CSMD1: variants seen among roughly 807,000 people sequenced by gnomAD.
The protein encoded by CSMD1 is CUB and sushi domain-containing protein 1.
CSMD1 carries 213 observed loss-of-function variants against 417.5 expected under a neutral mutation model. That is an observed-to-expected ratio of 0.51 (90% CI 0.46 to 0.57). The LOEUF (loss-of-function observed/expected upper bound fraction) is 0.57. Among genes scored for constraint, CSMD1 ranks in the 20% least tolerant of loss-of-function variants. The pLI is 0.00. For missense variants in CSMD1, 6,923 were observed against 4,529.7 expected (o/e 1.53, Z -15.17); for synonymous variants, 2,862 against 1,736.8 (o/e 1.65, Z -16.11).
chr8:4,934,931 C>T (rs568280061), intron 1 of CSMD1, among the ~76,000 whole-genome samples: 6 of 152,280 alleles, frequency 3.9e-5, no homozygotes, highest in Non-Finnish European at 8.8e-5. Context: ...AATCATCCAT[C>T]AATCATCTAT....
At chr8:4,251,966 G>A (rs1219633444) in intron 3 of CSMD1, among the ~76,000 whole-genome samples, 1 of 151,964 alleles carries the variant, frequency 6.6e-6, no homozygotes, top group African/African-American at 2.4e-5. Flanking sequence ...GATGTTCAAT[G>A]GAGGTAAGGA....
intron 2 of CSMD1, among the ~76,000 whole-genome samples, chr8:4,614,325 C>A (rs1194196742): frequency 6.6e-6 from 1 of 152,144 alleles, no homozygotes; most frequent in Non-Finnish European, 1.5e-5. Flanking sequence ...AAAATCCTGT[C>A]TTGAAGGTAG....
At chr8:2,970,146 C>T (rs1585070514) in intron 57 of CSMD1, among the ~76,000 whole-genome samples, 1 of 152,180 alleles carries the variant, frequency 6.6e-6, no homozygotes, top group East Asian at 1.9e-4. Flanking sequence ...AAGTGAAACG[C>T]AATTAAGCTC....
intron 3 of CSMD1, among the ~76,000 whole-genome samples, chr8:4,134,203 G>C (rs1369018411): frequency 6.6e-6 from 1 of 152,152 alleles, no homozygotes; most frequent in Non-Finnish European, 1.5e-5. Flanking sequence ...GAAAGTCACT[G>C]TCCTTACACG....
intron 1 of CSMD1, among the ~76,000 whole-genome samples, chr8:4,812,597 C>G (rs1043295659): frequency 6.6e-6 from 1 of 151,410 alleles, no homozygotes; most frequent in Non-Finnish European, 1.5e-5. Context: ...TCCAAGCAAG[C>G]TTTTTTTAAA....
intron 12 of CSMD1, among the ~76,000 whole-genome samples, chr8:3,464,629 G>C (rs1342746045): frequency 1.3e-5 from 2 of 149,414 alleles, no homozygotes; most frequent in Non-Finnish European, 3.0e-5. Context: ...ATTATATATA[G>C]GTAGAATCTA....
chr8:4,326,626 C>T (rs759293848), intron 3 of CSMD1, among the ~76,000 whole-genome samples: 1 of 152,096 alleles, frequency 6.6e-6, no homozygotes, highest in Non-Finnish European at 1.5e-5. Flanking sequence ...AACCTCAGAA[C>T]ATATAGGATA....
At chr8:4,968,747 T>G (rs1051593867) in intron 1 of CSMD1, among the ~76,000 whole-genome samples, 3 of 152,068 alleles carry the variant, frequency 2.0e-5, no homozygotes, top group Non-Finnish European at 4.4e-5. Context: ...TTAACAGACC[T>G]TACCATGTCT....
intron 6 of CSMD1, among the ~76,000 whole-genome samples, chr8:3,752,424 G>A (rs1024369221): frequency 1.6e-4 from 24 of 152,078 alleles, no homozygotes; most frequent in African/African-American, 5.3e-4. Context: ...GGAGGCCGAG[G>A]CAGGCAGATC....
At chr8:4,830,099 C>T (rs1246282613) in intron 1 of CSMD1, among the ~76,000 whole-genome samples, 1 of 152,166 alleles carries the variant, frequency 6.6e-6, no homozygotes, top group African/African-American at 2.4e-5. Flanking sequence ...TACTGAAGAG[C>T]TACATTCTTG....
At chr8:4,764,506 A>G (rs1468641923) in intron 1 of CSMD1, among the ~76,000 whole-genome samples, 1 of 152,196 alleles carries the variant, frequency 6.6e-6, no homozygotes, top group African/African-American at 2.4e-5. Flanking sequence ...TAGTATTCCA[A>G]GGAATGGAAT....
In CSMD1 at chr8:4,267,117, A is replaced by G. The variant is rs538681022; in HGVS notation, c.415+152836T>C. ...TATTTTTTTTTGAAAGTGCTTTCTA[A>G]TGCAATTAGTTGGGAGAATTAAATA... On this transcript the variant is annotated intron_variant, in intron 3 of 69. Transcript: ENST00000635120. Among the ~76,000 whole-genome samples, 5 of 103,806 alleles carry G rather than the reference A, an allele frequency of 4.8e-5. 2 individuals are homozygous for G. The highest frequency in any genetic ancestry group is 1.3e-4 in the Non-Finnish European group (5 of 38,594). 68.1% of individuals were successfully genotyped at this position (103,806 alleles called of 152,430 possible). A position where few individuals can be genotyped will look rare whatever the true frequency, so the allele number is the denominator to read the frequency against.
At chr8:3,209,911 A>G (rs1318669602) in intron 30 of CSMD1, among the ~76,000 whole-genome samples, 4 of 152,214 alleles carry the variant, frequency 2.6e-5, no homozygotes, top group African/African-American at 9.6e-5. Context: ...AGTAAACAAA[A>G]CTAGCAAACA....
chr8:4,097,410 G>A (rs528415171), intron 3 of CSMD1, among the ~76,000 whole-genome samples: 3 of 152,310 alleles, frequency 2.0e-5, no homozygotes, highest in East Asian at 3.9e-4. Context: ...GACCACACAT[G>A]AACGTTGTAT....
intron 3 of CSMD1, among the ~76,000 whole-genome samples, chr8:4,084,555 G>C (rs144554039): frequency 6.6e-6 from 1 of 152,108 alleles, no homozygotes; most frequent in Non-Finnish European, 1.5e-5. Flanking sequence ...CAATTGGTAG[G>C]ATGTTAGGAA....
chr8:4,499,063 T>C (rs1436109858), intron 2 of CSMD1, among the ~76,000 whole-genome samples: 5 of 152,132 alleles, frequency 3.3e-5, no homozygotes, highest in Admixed American at 3.3e-4. Flanking sequence ...AATACAGCAC[T>C]GATGAAAGTG....
intron 5 of CSMD1, among the ~76,000 whole-genome samples, chr8:3,895,984 T>G (rs570335311): frequency 1.3e-5 from 2 of 152,312 alleles, no homozygotes; most frequent in African/African-American, 4.8e-5. Context: ...CCTCCCCTAT[T>G]ACTGTAAATC....
chr8:4,257,384 C>T (rs1427940816), intron 3 of CSMD1, among the ~76,000 whole-genome samples: 1 of 151,880 alleles, frequency 6.6e-6, no homozygotes, highest in Non-Finnish European at 1.5e-5. Flanking sequence ...TATATATTAC[C>T]ATTTTTCTTC....
intron 10 of CSMD1, among the ~76,000 whole-genome samples, chr8:3,540,006 G>A (rs528576731): frequency 1.3e-5 from 2 of 152,254 alleles, no homozygotes; most frequent in South Asian, 2.1e-4. Context: ...TGCATCTCCA[G>A]TAAAACAGGG....
Sources: gnomAD v4.1 joint callset for allele counts (sites outside exome capture counted in the v4.1 genomes callset) on GRCh38, gnomAD v4.1.1 for gene constraint, MANE v1.5 for transcripts, NCBI Gene and HGNC (gene_info 2026-07-23, HGNC 2026-07-21) for gene names.